Variants in EPHA6 observed in about 807,000 individuals in gnomAD.
EPHA6 encodes EPH receptor A6, also known as ephrin type-A receptor 6.
A neutral mutation model predicts 112.0 loss-of-function variants in EPHA6; 50 were observed. The observed-to-expected ratio is 0.45, with a 90% CI of 0.36 to 0.56. The LOEUF is 0.56. EPHA6 is among the 20% of genes least tolerant of loss of function. The probability of loss-of-function intolerance (pLI) is 0.00; values close to 1 mark genes in which losing one functional copy is unlikely to be tolerated. For missense variants in EPHA6, 1,280 were observed against 1,417.4 expected (o/e 0.90, Z 1.56); for synonymous variants, 529 against 490.7 (o/e 1.08, Z -1.03).
intron 14 of EPHA6, among the ~76,000 whole-genome samples, chr3:97,718,784 C>G (rs936873093): frequency 6.6e-6 from 1 of 152,130 alleles, no homozygotes. Flanking sequence ...TATTGGGCTG[C>G]TTTGATATGT....
In EPHA6 at chr3:97,247,478, T is replaced by C. The variant is rs145712250; in HGVS notation, c.1606+3191T>C. 4.8e-3 allele frequency among the ~76,000 whole-genome samples: 728 copies of C among 151,874 alleles called. 3 individuals carry two copies. Among genetic ancestry groups the C allele is most frequent in the Middle Eastern group, 0.021 (6 of 292 alleles). On this transcript the variant is annotated intron_variant, in intron 5 of 17. Coordinates refer to ENST00000389672, the MANE Select transcript of EPHA6 (RefSeq NM_001080448.3). ...ATATTCTCCAAATCTGGAGGATAAG[T>C]TGGGGGGCCATCTTACCAAGGAAGC...
At position 97,720,417 on chromosome 3, in the gene EPHA6, G is replaced by A. The variant is rs1208920687; in HGVS notation, c.2934+7G>A. On this transcript the variant is annotated splice_region_variant and intron_variant, in intron 15 of 17. Coordinates refer to ENST00000389672, the MANE Select transcript of EPHA6 (RefSeq NM_001080448.3). ...GGAAATGTCTAACCAAGATGTAAGT[G>A]CTACCGATAGTTAAACTGCCATTTT... The A allele has an allele frequency of 1.3e-6, 2 of 1,586,790 alleles. No individual in the cohort carries two copies. The highest frequency in any genetic ancestry group is 2.3e-5 in the East Asian group (1 of 43,296).
intron 14 of EPHA6, among the ~76,000 whole-genome samples, chr3:97,695,547 A>G (rs572176486): frequency 1.2e-4 from 18 of 152,234 alleles, no homozygotes; most frequent in African/African-American, 3.4e-4. Context: ...TACAGGTGAC[A>G]CTTTATTTAT....
At chr3:97,231,824 T>G (rs2078534682) in intron 4 of EPHA6, among the ~76,000 whole-genome samples, 1 of 152,202 alleles carries the variant, frequency 6.6e-6, no homozygotes, top group Admixed American at 6.5e-5. Context: ...CTGGGCTTGG[T>G]GATGACTTAT....
chr3:97,622,857 G>A (rs963613185), intron 13 of EPHA6, among the ~76,000 whole-genome samples: 2 of 151,592 alleles, frequency 1.3e-5, no homozygotes, highest in African/African-American at 4.8e-5. Context: ...ATGATTTGTG[G>A]TTTTCAGGAT....
chr3:96,992,570 G>A (rs143215533), intron 3 of EPHA6, among the ~76,000 whole-genome samples: 20 of 151,932 alleles, frequency 1.3e-4, no homozygotes, highest in Non-Finnish European at 2.6e-4. Flanking sequence ...CTAAATCCTG[G>A]TAACAATTTT....
chr3:97,561,701 A>G (rs1357932245), intron 11 of EPHA6, among the ~76,000 whole-genome samples: 2 of 152,138 alleles, frequency 1.3e-5, no homozygotes, highest in African/African-American at 4.8e-5. Flanking sequence ...GCTAAACTAA[A>G]CAACACATTT....
At chr3:97,573,566 G>T (rs973812686) in intron 11 of EPHA6, among the ~76,000 whole-genome samples, 1 of 151,682 alleles carries the variant, frequency 6.6e-6, no homozygotes, top group Non-Finnish European at 1.5e-5. Flanking sequence ...AGTATGATGA[G>T]ATTTTTATTT....
intron 5 of EPHA6, 135 bp downstream of exon 5, chr3:97,244,422 GTTGTTC>G: frequency 1.4e-6 from 1 of 690,340 alleles, no homozygotes; most frequent in Admixed American, 2.9e-5. Context: ...TGCACTGGTT[GTTGTTC>G]TTGTTCTTTC....
chr3:97,318,476 C>T (rs1295595914), intron 5 of EPHA6, among the ~76,000 whole-genome samples: 1 of 151,970 alleles, frequency 6.6e-6, no homozygotes, highest in Non-Finnish European at 1.5e-5. Context: ...ATCACTGTTA[C>T]CAGTTCTTGA....
intron 5 of EPHA6, among the ~76,000 whole-genome samples, chr3:97,384,384 C>A (rs990541162): frequency 2.6e-5 from 4 of 152,152 alleles, no homozygotes; most frequent in African/African-American, 9.7e-5. Context: ...GGCTTCAAAT[C>A]CCCTATGCTT....
At chr3:96,876,838 T>C (rs1279340733) in intron 2 of EPHA6, among the ~76,000 whole-genome samples, 1 of 152,106 alleles carries the variant, frequency 6.6e-6, no homozygotes, top group Non-Finnish European at 1.5e-5. Context: ...GACAGAAATT[T>C]TCTGCCTTTT....
intron 3 of EPHA6, among the ~76,000 whole-genome samples, chr3:97,072,455 G>T (rs1260272869): frequency 6.6e-6 from 1 of 151,938 alleles, no homozygotes; most frequent in Non-Finnish European, 1.5e-5. Context: ...TAGGAGGGAG[G>T]CACGGAACAG....
chr3:97,517,305 T>C (rs1273759925), intron 10 of EPHA6, among the ~76,000 whole-genome samples: 2 of 152,004 alleles, frequency 1.3e-5, no homozygotes, highest in African/African-American at 2.4e-5. Flanking sequence ...TGTGTGTCAG[T>C]AAGAGGGTGT....
intron 2 of EPHA6, among the ~76,000 whole-genome samples, chr3:96,918,697 A>ATGT (rs2039607651): frequency 1.3e-5 from 2 of 152,078 alleles, no homozygotes; most frequent in African/African-American, 4.8e-5. Flanking sequence ...GGCTTTAAGT[A>ATGT]TGTACAAAAC....
Position 97,451,542 on chromosome 3 carries a change from T to C in EPHA6, c.1894+2812T>C, listed in dbSNP as rs1305158931. Among the ~76,000 whole-genome samples, 6 of 149,882 alleles carry C rather than the reference T, an allele frequency of 4.0e-5. No homozygotes were observed. The South Asian group carries it at 1.0e-3, about 26-fold the overall frequency. ...AAACCTGATGTTTGAGAACATAGAA[T>C]GGCTCCTAAGTCAATTTACAGTCTA... On this transcript the variant is annotated intron_variant, in intron 7 of 17. Transcript: ENST00000389672.
chr3:96,987,558 G>C lies in EPHA6; in HGVS notation c.679G>C (p.Asp227His), dbSNP rs1438439671. Residue 227 changes from aspartate to histidine, a missense_variant, in exon 3 of 18, where the codon GAT becomes CAT. Around this residue, in one of 4 missense-constraint regions of EPHA6, gnomAD observed 878 missense variants for 999.7 expected, o/e 0.88. Transcript: ENST00000389672. ...ATTTAATCTGTTTTATATGGAATCAGATGAGTCCCACGGAATTAAATTCAA... is the reference window on the plus strand; with the variant it reads ...ATTTAATCTGTTTTATATGGAATCACATGAGTCCCACGGAATTAAATTCAA... ...ETFNLFYMES[D>H]ESHGIKFKPN... 2 of 1,613,920 alleles carry C rather than the reference G, an allele frequency of 1.2e-6. No individual in the cohort carries two copies. Among genetic ancestry groups the C allele is most frequent in the South Asian group, 1.1e-5 (1 of 91,084 alleles).
At chr3:97,602,970 T>A (rs2093654421) in intron 12 of EPHA6, among the ~76,000 whole-genome samples, 1 of 152,006 alleles carries the variant, frequency 6.6e-6, no homozygotes, top group Non-Finnish European at 1.5e-5. Context: ...ACATAACCAC[T>A]TCCTTCATAA....
At chr3:97,308,228 C>T (rs962437130) in intron 5 of EPHA6, among the ~76,000 whole-genome samples, 7 of 151,626 alleles carry the variant, frequency 4.6e-5, no homozygotes, top group East Asian at 1.9e-4. Flanking sequence ...TTATAGTAAT[C>T]GGCTATAATC....
Sources: gnomAD v4.1 joint callset for allele counts (sites outside exome capture counted in the v4.1 genomes callset) on GRCh38, gnomAD v4.1.1 for gene constraint, gnomAD v4.1.1 regional missense constraint, MANE v1.5 for transcripts, NCBI Gene and HGNC (gene_info 2026-07-23, HGNC 2026-07-21) for gene names.